The following AGBL3 variants were observed in gnomAD, a reference collection of about 807,000 sequenced individuals.
The protein encoded by AGBL3 is AGBL carboxypeptidase 3.
AGBL3 carries 68 observed loss-of-function variants against 94.5 expected under a neutral mutation model. The ratio of observed to expected loss-of-function variants is 0.72; its 90% CI spans 0.59 to 0.88. The LOEUF is 0.88. AGBL3 is among the 40% of genes least tolerant of loss of function. The pLI, the probability that AGBL3 is intolerant of heterozygous loss-of-function variation, is 0.00. For missense variants in AGBL3, 934 were observed against 1,103.8 expected, an observed-to-expected ratio of 0.85 and a Z score of 2.18; for synonymous variants, 354 against 370.7, an observed-to-expected ratio of 0.95 and a Z score of 0.52.
rs1200646842 is a variant in AGBL3, at chr7:135,034,876, C to G, written c.1285C>G (p.Leu429Val). 1 of 1,548,178 alleles carries G rather than the reference C, an allele frequency of 6.5e-7. No homozygotes were observed. The highest frequency in any genetic ancestry group is 8.7e-7 in the Non-Finnish European group (1 of 1,145,568). Residue 429 changes from leucine to valine, a missense_variant, in exon 7 of 17, where the codon CTC becomes GTC. By Grantham distance (32) the Leu-to-Val change is conservative. Coordinates refer to ENST00000436302, the MANE Select transcript of AGBL3 (RefSeq NM_178563.4). ...GGATTTAAACCGTAATTATACATCT[C>G]TCCTGAAGGAATCTTTTCCTTCTGT... ...GRDLNRNYTS[L>V]LKESFPSVWY...
intron 14 of AGBL3, 45 bp downstream of exon 14, chr7:135,080,305 C>T: frequency 3.3e-6 from 5 of 1,498,306 alleles, no homozygotes; most frequent in Non-Finnish European, 4.5e-6. Context: ...AATTCATTTA[C>T]TCAACTAAGA....
chr7:135,076,597 C>A, intron 13 of AGBL3, 129 bp downstream of exon 13: 1 of 662,690 alleles, frequency 1.5e-6, no homozygotes, highest in Non-Finnish European at 2.6e-6. Flanking sequence ...TTCATATTAT[C>A]TACTGTTTAT....
chr7:135,088,522 TC>T (rs1299292243), intron 15 of AGBL3, among the ~76,000 whole-genome samples: 1 of 152,196 alleles, frequency 6.6e-6, no homozygotes, highest in Non-Finnish European at 1.5e-5. Flanking sequence ...ATTATCTTTT[TC>T]CTTCCAAATG....
In AGBL3 at chr7:135,135,242, A is replaced by T; in HGVS notation, c.2744A>T (p.Lys915Met). Residue 915 changes from lysine (K) to methionine (M), a missense_variant, in exon 17 of 17, where the codon AAG (lysine) becomes ATG (methionine). Around this residue, in one of 3 missense-constraint regions of AGBL3, gnomAD observed 441 missense variants for 518.2 expected, o/e 0.85. Coordinates refer to ENST00000436302, the MANE Select transcript of AGBL3 (RefSeq NM_178563.4). ...GATGGACAACCCACCTTATATCTGA[A>T]GTTCCAAAGGGAGAGTTAATCTAGC... The part of the protein sequence containing the change: ...KNDGQPTLYL[K>M]FQRES 1 of 1,526,680 alleles carries T rather than the reference A, an allele frequency of 6.6e-7. No homozygotes were observed. Among genetic ancestry groups the T allele is most frequent in the Non-Finnish European group, 8.8e-7 (1 of 1,136,488 alleles). The allele number at this position is 1,526,680 out of a possible 1,614,324, so 94.6% of individuals were successfully genotyped here.
intron 15 of AGBL3, among the ~76,000 whole-genome samples, chr7:135,096,625 G>GATAGATA (rs1162351189): frequency 1.4e-5 from 1 of 70,640 alleles, no homozygotes; most frequent in African/African-American, 4.1e-5. Context: ...AGATAGATAG[G>GATAGATA]GCTATTCTTT....
At chr7:135,067,248 C>T (rs1231737595) in intron 12 of AGBL3, among the ~76,000 whole-genome samples, 1 of 152,240 alleles carries the variant, frequency 6.6e-6, no homozygotes, top group African/African-American at 2.4e-5. Flanking sequence ...GAAGCTCGAA[C>T]TGGGTTGAGC....
intron 16 of AGBL3, among the ~76,000 whole-genome samples, chr7:135,118,748 A>G (rs368386415): frequency 6.6e-6 from 1 of 152,188 alleles, no homozygotes; most frequent in East Asian, 1.9e-4. Flanking sequence ...CATAATTAAA[A>G]TGCTTCAAAA....
At position 135,034,603 on chromosome 7, in the gene AGBL3, TATATTTTAACAATCAC is replaced by T. The variant is rs1377152938; in HGVS notation, c.1013_1028del (p.Tyr338LeufsTer4). 6.4e-7 allele frequency: 1 copy of T among 1,551,748 alleles called. No homozygotes were observed. Among genetic ancestry groups the T allele is most frequent in the South Asian group, 1.2e-5 (1 of 84,062 alleles). ...CCACACGCTTGCTAGGAACATGGTG[TATATTTTAACAATCAC>T]TACCCCCTTGAAGAACTCTGACTCA... On this transcript the variant is annotated frameshift_variant, in exon 7 of 17. Transcript: ENST00000436302. LOFTEE classifies it high-confidence loss of function.
At position 135,015,619 on chromosome 7, in the gene AGBL3, T is replaced by G. The variant is rs1813683229; in HGVS notation, c.311-1433T>G. Among the ~76,000 whole-genome samples, 2 of 147,988 alleles carry G rather than the reference T, an allele frequency of 1.4e-5. 1 individual carries two copies. The highest frequency in any genetic ancestry group is 1.3e-4 in the Admixed American group (2 of 14,960). On this transcript the variant is annotated intron_variant, in intron 4 of 16. Transcript: ENST00000436302. ...CAGTTATAATGATAGGGTTTCATGG[T>G]TCTTTACTAGTTATTAATAAATAAA...
chr7:135,032,708 T>C lies in AGBL3; in HGVS notation c.419-136T>C, dbSNP rs545871617. On this transcript the variant is annotated intron_variant, in intron 5 of 16. Transcript: ENST00000436302. ...ACTCTTAGATTCTCTTATTTCAACATGTCTATATAAATTAGTGTCCAGTTA... is the reference window on the plus strand; with the variant it reads ...ACTCTTAGATTCTCTTATTTCAACACGTCTATATAAATTAGTGTCCAGTTA... 1.2e-5 allele frequency: 8 copies of C among 686,460 alleles called. No individual in the cohort carries two copies. In the African/African-American group the frequency reaches 1.5e-4, roughly 13 times the overall value. The allele number at this position is 686,460 out of a possible 1,614,324, so 42.5% of individuals were successfully genotyped here.
intron 4 of AGBL3, 54 bp from the exon 5 acceptor site, chr7:135,016,998 T>G (rs1813878644): frequency 1.7e-6 from 2 of 1,148,778 alleles, no homozygotes; most frequent in Non-Finnish European, 2.5e-6. Flanking sequence ...GCAATAAAAT[T>G]TTTCTGTTTT....
chr7:134,994,805 T>G (rs1364991560), intron 4 of AGBL3, among the ~76,000 whole-genome samples: 1 of 152,166 alleles, frequency 6.6e-6, no homozygotes, highest in African/African-American at 2.4e-5. Flanking sequence ...AATTCCAAAG[T>G]TATAGGGTTA....
intron 12 of AGBL3, among the ~76,000 whole-genome samples, chr7:135,071,618 A>G (rs1209788291): frequency 6.6e-6 from 1 of 152,190 alleles, no homozygotes. Context: ...CATAACTACA[A>G]CTATCTGATC....
intron 16 of AGBL3, among the ~76,000 whole-genome samples, chr7:135,132,635 C>T (rs1013729021): frequency 4.6e-5 from 7 of 152,112 alleles, no homozygotes; most frequent in Admixed American, 1.3e-4. Context: ...AATTGAATCA[C>T]GGGAACAGTT....
rs1243119295 is a variant in AGBL3 at position 135,027,234 on chromosome 7, G to T, written c.419-5610G>T. Among the ~76,000 whole-genome samples the T allele has an allele frequency of 2.0e-5, 3 of 151,574 alleles. 1 individual carries two copies. The East Asian group carries it at 6.2e-4, about 31-fold the overall frequency. The stretch of plus-strand genomic sequence containing the variant: ...GGCTAATTTTTTGTATTTTAGTAGA[G>T]ATGGGGTTTTACCATGTTACCAAGG... On this transcript the variant is annotated intron_variant, in intron 5 of 16. Coordinates refer to ENST00000436302, the MANE Select transcript of AGBL3 (RefSeq NM_178563.4).
chr7:135,045,721 G>A (rs929517561), intron 10 of AGBL3, 78 bp from the exon 11 acceptor site: 7 of 1,331,942 alleles, frequency 5.3e-6, no homozygotes, highest in African/African-American at 1.5e-5. Context: ...AATTGTTCCA[G>A]GTGTCTATAA....
intron 15 of AGBL3, among the ~76,000 whole-genome samples, chr7:135,106,322 C>A (rs1182223938): frequency 6.6e-6 from 1 of 152,154 alleles, no homozygotes; most frequent in African/African-American, 2.4e-5. Context: ...AAGGGGAATG[C>A]TTCCAGCTTT....
At chr7:135,124,268 A>G (rs1341766074) in intron 16 of AGBL3, among the ~76,000 whole-genome samples, 1 of 152,056 alleles carries the variant, frequency 6.6e-6, no homozygotes, top group Non-Finnish European at 1.5e-5. Flanking sequence ...GACAAAATAG[A>G]CTTTAAACCA....
Position 135,109,321 on chromosome 7 carries a change from G to A in AGBL3, c.2111-6059G>A, listed in dbSNP as rs189920269. Reference sequence around the variant, plus strand: ...CAGCACGGGTGAGGGCTGCAAGAGAGCAAAGATGACAACCCACCTCTCCCA... The same window carrying A: ...CAGCACGGGTGAGGGCTGCAAGAGAACAAAGATGACAACCCACCTCTCCCA... On this transcript the variant is annotated intron_variant, in intron 15 of 16. Coordinates refer to ENST00000436302, the MANE Select transcript of AGBL3 (RefSeq NM_178563.4). Among the ~76,000 whole-genome samples, 145 of 152,334 alleles carry A rather than the reference G, an allele frequency of 9.5e-4. 1 individual carries two copies. In the South Asian group the frequency reaches 0.012, roughly 12 times the overall value.
Sources: gnomAD v4.1 joint callset for allele counts (sites outside exome capture counted in the v4.1 genomes callset) on GRCh38, gnomAD v4.1.1 for gene constraint, gnomAD v4.1.1 regional missense constraint, MANE v1.5 for transcripts, NCBI Gene and HGNC (gene_info 2026-07-23, HGNC 2026-07-21) for gene names.